MAMLD1: variants seen among roughly 807,000 people sequenced by gnomAD.
MAMLD1 encodes the protein mastermind like domain containing 1.
In MAMLD1, 14 loss-of-function variants were observed where a neutral mutation model predicts 45.0. That is an observed-to-expected ratio of 0.31 (90% CI 0.21 to 0.49). MAMLD1 has a LOEUF of 0.49. Among genes scored for constraint, MAMLD1 ranks in the 20% least tolerant of loss-of-function variants. MAMLD1 has a pLI of 0.99. For missense variants in MAMLD1, 543 were observed against 603.6 expected (o/e 0.90, Z 1.05); for synonymous variants, 254 against 247.8 (o/e 1.02, Z -0.24).
intron 5 of MAMLD1, among the ~76,000 whole-genome samples, chrX:150,502,484 T>C (rs1557408583): frequency 8.9e-6 from 1 of 112,444 alleles, no homozygotes. Flanking sequence ...ATTTGCGTTT[T>C]GCAGCTTTTG....
intron 1 of MAMLD1, among the ~76,000 whole-genome samples, chrX:150,398,967 A>T (rs782167739): frequency 1.2e-4 from 13 of 111,785 alleles, no homozygotes; most frequent in Non-Finnish European, 1.9e-5. Context: ...ACACTTCCCT[A>T]AGCACCCTCT....
intron 5 of MAMLD1, among the ~76,000 whole-genome samples, chrX:150,488,449 A>G (rs1256379360): frequency 8.9e-6 from 1 of 112,796 alleles, no homozygotes; most frequent in Non-Finnish European, 1.9e-5. Flanking sequence ...GCAGCTTCAA[A>G]TGTGAGAATA....
intron 1 of MAMLD1, among the ~76,000 whole-genome samples, chrX:150,378,540 T>C (rs1376694153): frequency 8.9e-6 from 1 of 112,006 alleles, no homozygotes; most frequent in African/African-American, 3.3e-5. Context: ...CATTTATTGA[T>C]GGTCTGTGCC....
chrX:150,489,267 T>C (rs1349296091), intron 5 of MAMLD1, among the ~76,000 whole-genome samples: 14 of 110,776 alleles, frequency 1.3e-4, no homozygotes, highest in East Asian at 5.7e-4. Context: ...TTATGCATAG[T>C]TCTGGAGGCT....
intron 1 of MAMLD1, among the ~76,000 whole-genome samples, chrX:150,430,851 G>C (rs1405984694): frequency 8.9e-6 from 1 of 112,286 alleles, no homozygotes; most frequent in Non-Finnish European, 1.9e-5. Context: ...GCACAGTCTT[G>C]ATTAATGTAG....
At chrX:150,422,148 C>T (rs782248606) in intron 1 of MAMLD1, among the ~76,000 whole-genome samples, 10 of 112,403 alleles carry the variant, frequency 8.9e-5, no homozygotes, top group Non-Finnish European at 1.9e-4. Context: ...GATGTCGGCA[C>T]TTCTTTAAGG....
At chrX:150,374,200 G>T (rs1201355423) in intron 1 of MAMLD1, among the ~76,000 whole-genome samples, 1 of 112,689 alleles carries the variant, frequency 8.9e-6, no homozygotes, top group African/African-American at 3.2e-5. Context: ...CTAATTTAGG[G>T]TACTACTAGG....
intron 1 of MAMLD1, among the ~76,000 whole-genome samples, chrX:150,427,463 A>T (rs192205799): frequency 1.8e-5 from 2 of 111,749 alleles, no homozygotes; most frequent in Non-Finnish European, 3.8e-5. Flanking sequence ...CTAATATTCA[A>T]TGTCTTCTGC....
intron 1 of MAMLD1, among the ~76,000 whole-genome samples, chrX:150,373,321 C>T (rs782618614): frequency 1.8e-5 from 2 of 111,660 alleles, no homozygotes; most frequent in Non-Finnish European, 3.8e-5. Flanking sequence ...CATTCTCAGG[C>T]CCTGGTTGGG....
intron 1 of MAMLD1, among the ~76,000 whole-genome samples, chrX:150,411,035 G>A (rs2034111228): frequency 9.3e-6 from 1 of 107,190 alleles, no homozygotes; most frequent in African/African-American, 3.6e-5. Flanking sequence ...TTTTATGTAC[G>A]GCCCAGGACA....
chrX:150,362,357 A>G (rs1435460509), upstream of MAMLD1, among the ~76,000 whole-genome samples: 1 of 110,956 alleles, frequency 9.0e-6, no homozygotes, highest in Non-Finnish European at 1.9e-5. Flanking sequence ...GTGACACTTC[A>G]GGGTCCTCTG....
chrX:150,453,252 A>C (rs1602862991), intron 2 of MAMLD1, among the ~76,000 whole-genome samples: 1 of 112,198 alleles, frequency 8.9e-6, no homozygotes, highest in African/African-American at 3.3e-5. Context: ...ATAAACTTTT[A>C]TTAGCACACA....
Position 150,405,021 on chromosome X carries a change from A to G in MAMLD1, c.-63-40433A>G, listed in dbSNP as rs183545937. On this transcript the variant is annotated intron_variant, in intron 1 of 7. Transcript: ENST00000370401. ...GGTGTTTGTATGGACATACACTTTC[A>G]TTAGTCTTTGGCAAATACCCAGCAG... Among the ~76,000 whole-genome samples, 409 of 112,483 alleles carry G rather than the reference A, an allele frequency of 3.6e-3. 3 individuals carry two copies. Among genetic ancestry groups the G allele is most frequent in the African/African-American group, 0.013 (390 of 30,982 alleles).
rs781875439 is a variant in MAMLD1, at chrX:150,369,011, G to A, written c.-64+5481G>A. 1.4e-3 allele frequency among the ~76,000 whole-genome samples: 159 copies of A among 112,250 alleles called. 1 individual carries two copies. The highest frequency in any genetic ancestry group is 1.9e-3 in the Non-Finnish European group (100 of 53,228). ...CAGGTAGCATGATGCCTCCAGCTTT[G>A]TTCTTTTGGCTTAGGATTGTCTTGG... On this transcript the variant is annotated intron_variant, in intron 1 of 7. Coordinates refer to ENST00000370401, the MANE Select transcript of MAMLD1 (RefSeq NM_005491.5).
rs1438296528 is a variant in MAMLD1, at chrX:150,411,258, C to T, written c.-63-34196C>T. On this transcript the variant is annotated intron_variant, in intron 1 of 7. Coordinates refer to ENST00000370401, the MANE Select transcript of MAMLD1 (RefSeq NM_005491.5). Reference sequence around the variant, plus strand: ...GTATCGCCAGGCCTGACCAGTGCTCCGTTCCCCTTCCTCAGCCAAAGTGCT... The same window carrying T: ...GTATCGCCAGGCCTGACCAGTGCTCTGTTCCCCTTCCTCAGCCAAAGTGCT... 4.5e-5 allele frequency among the ~76,000 whole-genome samples: 5 copies of T among 112,057 alleles called. No homozygotes were observed. In the Admixed American group the frequency reaches 4.7e-4, roughly 11 times the overall value.
chrX:150,421,374 A>T (rs1489275374), intron 1 of MAMLD1, among the ~76,000 whole-genome samples: 5 of 112,538 alleles, frequency 4.4e-5, no homozygotes, highest in African/African-American at 1.6e-4. Flanking sequence ...CCTCAGATGG[A>T]AATGGAGAAA....
intron 1 of MAMLD1, among the ~76,000 whole-genome samples, chrX:150,365,674 C>A (rs782582610): frequency 8.8e-6 from 1 of 113,268 alleles, no homozygotes; most frequent in South Asian, 3.5e-4. Flanking sequence ...CCGCGCCCTC[C>A]TGCCACACCC....
At chrX:150,417,822 C>G (rs2034318210) in intron 1 of MAMLD1, among the ~76,000 whole-genome samples, 1 of 109,675 alleles carries the variant, frequency 9.1e-6, no homozygotes, top group South Asian at 4.1e-4. Flanking sequence ...TGAGAAGTGT[C>G]TGTTCATGTC....
At chrX:150,384,197 C>T (rs1188513315) in intron 1 of MAMLD1, among the ~76,000 whole-genome samples, 1 of 111,935 alleles carries the variant, frequency 8.9e-6, no homozygotes, top group African/African-American at 3.2e-5. Context: ...CCAAACTGTT[C>T]CAAAGTAGTT....
Sources: allele counts gnomAD v4.1 joint callset (sites outside exome capture counted in the v4.1 genomes callset), GRCh38; gene constraint gnomAD v4.1.1; transcripts MANE v1.5; gene names NCBI Gene and HGNC (gene_info 2026-07-23, HGNC 2026-07-21).